The following TRERF1 variants were observed in gnomAD, a reference collection of about 807,000 sequenced individuals.
The protein encoded by TRERF1 is transcriptional regulating factor 1.
Under a neutral mutation model 122.9 loss-of-function variants are expected in TRERF1, and 27 were observed. The ratio of observed to expected loss-of-function variants is 0.22; its 90% CI spans 0.16 to 0.30. The LOEUF is 0.30. Among genes scored for constraint, TRERF1 ranks in the 10% least tolerant of loss-of-function variants. The probability of loss-of-function intolerance (pLI) is 1.00; values close to 1 mark genes in which losing one functional copy is unlikely to be tolerated. For missense variants in TRERF1, 1,248 were observed against 1,560.3 expected (o/e 0.80, Z 3.37); for synonymous variants, 636 against 641.7 (o/e 0.99, Z 0.13).
chr6:42,246,079 G>T (rs138855990), intron 14 of TRERF1, among the ~76,000 whole-genome samples: 9,622 of 152,254 alleles, frequency 0.063, 398 homozygotes, highest in Middle Eastern at 0.11. Flanking sequence ...CTGCACTCCA[G>T]CCTGGGTGAG....
intron 2 of TRERF1, among the ~76,000 whole-genome samples, chr6:42,399,807 G>A (rs1310446152): frequency 4.6e-5 from 7 of 152,108 alleles, no homozygotes; most frequent in African/African-American, 1.4e-4. Flanking sequence ...TGAATGCTCT[G>A]GGAACAGAGG....
At chr6:42,258,279 T>C in intron 9 of TRERF1, 78 bp from the exon 10 acceptor site, 1 of 1,262,506 alleles carries the variant, frequency 7.9e-7, no homozygotes. Flanking sequence ...AGCAGTTACC[T>C]AACCAGCCAT....
At chr6:42,296,145 G>A (rs1016371854) in intron 4 of TRERF1, among the ~76,000 whole-genome samples, 5 of 152,134 alleles carry the variant, frequency 3.3e-5, no homozygotes, top group African/African-American at 7.2e-5. Flanking sequence ...ACAGCTCAGC[G>A]GGAGGGCCAA....
chr6:42,439,858 C>G (rs1403708092), intron 2 of TRERF1, among the ~76,000 whole-genome samples: 2 of 152,194 alleles, frequency 1.3e-5, no homozygotes, highest in African/African-American at 4.8e-5. Context: ...GACAGTATGT[C>G]CTGTGAACTT....
intron 2 of TRERF1, among the ~76,000 whole-genome samples, chr6:42,408,291 GTGTATGTATATATACATACTCA>G (rs1562153270): frequency 3.5e-5 from 4 of 113,304 alleles, no homozygotes; most frequent in Non-Finnish European, 7.1e-5. Context: ...ACACATGTGT[GTGTATGTATATATACATACTCA>G]TGTGTGTGTA....
intron 15 of TRERF1, among the ~76,000 whole-genome samples, chr6:42,237,900 C>T (rs1772627575): frequency 6.6e-6 from 1 of 152,140 alleles, no homozygotes; most frequent in South Asian, 2.1e-4. Context: ...GCAGTATGAA[C>T]AGGGTGTATT....
chr6:42,373,137 T>C (rs1774084469), intron 2 of TRERF1, among the ~76,000 whole-genome samples: 1 of 152,262 alleles, frequency 6.6e-6, no homozygotes, highest in Non-Finnish European at 1.5e-5. Context: ...AAAATACCAG[T>C]GGCCATCCTG....
At chr6:42,406,106 T>C (rs897768913) in intron 2 of TRERF1, among the ~76,000 whole-genome samples, 2 of 152,194 alleles carry the variant, frequency 1.3e-5, no homozygotes, top group African/African-American at 4.8e-5. Context: ...GGTAAGTTAG[T>C]CATCCTCATT....
chr6:42,324,709 T>C (rs539395148), intron 3 of TRERF1, among the ~76,000 whole-genome samples: 7 of 152,248 alleles, frequency 4.6e-5, no homozygotes, highest in African/African-American at 1.7e-4. Flanking sequence ...ATGCAGAAGA[T>C]TAAAACTGGA....
chr6:42,245,698 G>A (rs1392940387), intron 14 of TRERF1, among the ~76,000 whole-genome samples: 1 of 152,188 alleles, frequency 6.6e-6, no homozygotes, highest in African/African-American at 2.4e-5. Context: ...TATTATTACT[G>A]TCATTAAAAA....
chr6:42,256,559 CTT>C (rs1776783061), intron 12 of TRERF1, among the ~76,000 whole-genome samples, 167 bp downstream of exon 12: 1 of 150,944 alleles, frequency 6.6e-6, no homozygotes, highest in South Asian at 2.1e-4. Context: ...TTTCTACAGA[CTT>C]TAACATCCTG....
chr6:42,320,460 T>C (rs796700634), intron 3 of TRERF1, among the ~76,000 whole-genome samples: 4 of 152,108 alleles, frequency 2.6e-5, no homozygotes, highest in African/African-American at 9.6e-5. Flanking sequence ...TATTCATTTA[T>C]ACCCTCTCCA....
chr6:42,305,994 C>G (rs76926076), intron 3 of TRERF1, among the ~76,000 whole-genome samples: 1,931 of 100,032 alleles, frequency 0.019, 19 homozygotes, highest in South Asian at 0.075. Context: ...AAATATCTCT[C>G]CTTTTTTTTT....
At chr6:42,295,127 C>G (rs947990176) in intron 4 of TRERF1, among the ~76,000 whole-genome samples, 1 of 152,118 alleles carries the variant, frequency 6.6e-6, no homozygotes, top group South Asian at 2.1e-4. Flanking sequence ...AAAGAAGCCC[C>G]CTCCCTAACT....
chr6:42,229,418 G>A (rs894000554), intron 17 of TRERF1, among the ~76,000 whole-genome samples: 1 of 152,212 alleles, frequency 6.6e-6, no homozygotes, highest in African/African-American at 2.4e-5. Flanking sequence ...GATTACACGT[G>A]TGAACCACTG....
chr6:42,359,125 T>A (rs1210171594), intron 3 of TRERF1, among the ~76,000 whole-genome samples: 1 of 152,158 alleles, frequency 6.6e-6, no homozygotes, highest in Non-Finnish European at 1.5e-5. Context: ...TTGGAGGCCC[T>A]GTGCCAACCA....
intron 16 of TRERF1, 146 bp from the exon 17 acceptor site, chr6:42,233,074 C>T (rs1770936959): frequency 1.2e-6 from 1 of 851,124 alleles, no homozygotes; most frequent in Non-Finnish European, 1.8e-6. Flanking sequence ...AACCACAGAT[C>T]CTGTGCCAAT....
chr6:42,250,992 CTTTTTTTTTT>C (rs70987586), intron 13 of TRERF1, among the ~76,000 whole-genome samples: 27 of 97,608 alleles, frequency 2.8e-4, no homozygotes, highest in Non-Finnish European at 3.9e-4. Flanking sequence ...TCTTTTGCTT[CTTTTTTTTTT>C]TTTTTTTTTT....
chr6:42,285,170 T>C (rs1255883432), intron 4 of TRERF1, among the ~76,000 whole-genome samples: 2 of 152,192 alleles, frequency 1.3e-5, no homozygotes, highest in African/African-American at 4.8e-5. Context: ...AGCAGTGGTT[T>C]GTAGTTCTCC....
Sources: allele counts gnomAD v4.1 joint callset (sites outside exome capture counted in the v4.1 genomes callset), GRCh38; gene constraint gnomAD v4.1.1; transcripts MANE v1.5; gene names NCBI Gene and HGNC (gene_info 2026-07-23, HGNC 2026-07-21).